The following TAF5L variants were observed in gnomAD, a reference collection of about 807,000 sequenced individuals.
TAF5L encodes the protein TAF5-like RNA polymerase II p300/CBP-associated factor-associated factor 65 kDa subunit 5L.
In TAF5L, 7 loss-of-function variants were observed where a neutral mutation model predicts 51.3. The ratio of observed to expected loss-of-function variants is 0.14; its 90% CI spans 0.08 to 0.26. TAF5L has a LOEUF of 0.26. Among genes scored for constraint, TAF5L ranks in the 10% least tolerant of loss-of-function variants. TAF5L has a pLI of 1.00. For synonymous variants in TAF5L, 291 were observed against 308.1 expected (o/e 0.94, Z 0.58); for missense variants, 575 against 758.9 (o/e 0.76, Z 2.85).
At chr1:229,610,912 C>G (rs1285650972) in intron 2 of TAF5L, among the ~76,000 whole-genome samples, 1 of 152,096 alleles carries the variant, frequency 6.6e-6, no homozygotes, top group Non-Finnish European at 1.5e-5. Context: ...CTTTTTGAAT[C>G]TTAAGTATTT....
chr1:229,608,344 T>C (rs1256903245), intron 3 of TAF5L, among the ~76,000 whole-genome samples: 1 of 152,156 alleles, frequency 6.6e-6, no homozygotes, highest in Admixed American at 6.6e-5. Context: ...TGTTTAATAG[T>C]TACAAAAACG....
At chr1:229,607,174 A>T (rs1429018288) in intron 3 of TAF5L, 1 of 985,340 alleles carries the variant, frequency 1.0e-6, no homozygotes, top group African/African-American at 1.7e-5. Flanking sequence ...AGCCTGAGCC[A>T]TCGTCACCTC....
rs1664094044 is a variant in TAF5L at position 229,595,652 on chromosome 1, G to C, written c.973-558C>G. On this transcript the variant is annotated intron_variant, in intron 4 of 4. Coordinates refer to ENST00000258281, the Ensembl canonical transcript of TAF5L. ...ATGGACACAGCGACACATGAAGGCAGATGTGGTATCACTTCAAGATTTTTT... is the reference window on the plus strand; with the variant it reads ...ATGGACACAGCGACACATGAAGGCACATGTGGTATCACTTCAAGATTTTTT... Among the ~76,000 whole-genome samples the C allele has an allele frequency of 2.0e-5, 3 of 152,134 alleles. No homozygotes were observed. In the South Asian group the frequency reaches 6.2e-4, roughly 32 times the overall value.
intron 3 of TAF5L, among the ~76,000 whole-genome samples, chr1:229,608,333 CTGTT>C (rs1457745640): frequency 2.6e-5 from 4 of 152,054 alleles, no homozygotes; most frequent in Admixed American, 6.6e-5. Flanking sequence ...AGAGAATAGT[CTGTT>C]TAATAGTTAC....
chr1:229,602,999 T>C lies in TAF5L; in HGVS notation c.248-80A>G, dbSNP rs896198670. ...TGATCCCTCCTGGGGATCACCACCATCATATAATGCTTTCTTGCCAGGACC... is the reference window on the plus strand; with the variant it reads ...TGATCCCTCCTGGGGATCACCACCACCATATAATGCTTTCTTGCCAGGACC... On this transcript the variant is annotated intron_variant, in intron 3 of 4. Coordinates refer to ENST00000258281, the Ensembl canonical transcript of TAF5L. The surrounding 1 kb of genome is among the most constrained non-coding windows in gnomAD (Gnocchi z 4.6). 6.7e-7 allele frequency: 1 copy of C among 1,481,962 alleles called. No homozygotes were observed. Among genetic ancestry groups the C allele is most frequent in the Non-Finnish European group, 8.9e-7 (1 of 1,126,080 alleles). The allele number at this position is 1,481,962 out of a possible 1,614,324, so 91.8% of individuals were successfully genotyped here. A position where few individuals can be genotyped will look rare whatever the true frequency, so the allele number is the denominator to read the frequency against.
intron 1 of TAF5L, among the ~76,000 whole-genome samples, chr1:229,619,370 A>G (rs980397638): frequency 5.9e-5 from 9 of 152,206 alleles, no homozygotes; most frequent in African/African-American, 2.2e-4. Context: ...CTTGAACTAG[A>G]AGCTGTGTTT....
intron 1 of TAF5L, among the ~76,000 whole-genome samples, chr1:229,622,128 T>G (rs1324769800): frequency 1.3e-5 from 2 of 152,186 alleles, no homozygotes; most frequent in African/African-American, 4.8e-5. Context: ...ACATACATTA[T>G]GTTTTGCATT....
At chr1:229,618,703 C>T (rs1246659565) in intron 1 of TAF5L, among the ~76,000 whole-genome samples, 1 of 152,134 alleles carries the variant, frequency 6.6e-6, no homozygotes, top group Non-Finnish European at 1.5e-5. Flanking sequence ...GTGTGGAACT[C>T]TAGTCTGGTC....
chr1:229,600,308 A>G (rs1468484923), intron 4 of TAF5L: 15 of 985,438 alleles, frequency 1.5e-5, no homozygotes, highest in Non-Finnish European at 1.8e-5. Context: ...TTTAGTTCTT[A>G]AGTTTAAAAA....
In TAF5L at chr1:229,602,868, A is replaced by C. The variant is rs766184530; in HGVS notation, c.299T>G (p.Phe100Cys). 6.2e-7 allele frequency: 1 copy of C among 1,608,628 alleles called. No homozygotes were observed. The highest frequency in any genetic ancestry group is 8.5e-7 in the Non-Finnish European group (1 of 1,179,970). ...GACCAGGTTGAGATGGAGGTAGACA[A>C]AGAGAGGATAGAGGAGAGGCATCAC... The change falls in exon 4 of 5, where the codon TTT (phenylalanine) becomes TGT (cysteine). Residue 100 changes from phenylalanine (F) to cysteine (C), a missense_variant. Transcript: ENST00000258281. The surrounding 1 kb of genome is among the most constrained non-coding windows in gnomAD (Gnocchi z 4.6).
Position 229,595,105 on chromosome 1 carries a change from T to G in TAF5L, c.973-11A>C. The G allele has an allele frequency of 6.4e-7, 1 of 1,558,208 alleles. No individual in the cohort carries two copies. Among genetic ancestry groups the G allele is most frequent in the South Asian group, 1.2e-5 (1 of 82,736 alleles). On this transcript the variant is annotated splice_polypyrimidine_tract_variant and intron_variant, in intron 4 of 4. Transcript: ENST00000258281. ...ATCATCCTCATCATCCTGGGAACAGTGGGGTGGGGTGGGAAAAGAAACACA... is the reference window on the plus strand; with the variant it reads ...ATCATCCTCATCATCCTGGGAACAGGGGGGTGGGGTGGGAAAAGAAACACA...
chr1:229,599,291 TGA>T (rs1248843455), intron 4 of TAF5L: 5 of 665,344 alleles, frequency 7.5e-6, no homozygotes, highest in Non-Finnish European at 9.3e-6. Flanking sequence ...TTTTTTAAAC[TGA>T]GATATAATTA....
chr1:229,603,928 C>G (rs1299978904), intron 3 of TAF5L, among the ~76,000 whole-genome samples: 1 of 152,254 alleles, frequency 6.6e-6, no homozygotes, highest in Non-Finnish European at 1.5e-5. Flanking sequence ...TCACAGTCAC[C>G]AGTGCTGTCC....
rs115136323 is a variant in TAF5L, at chr1:229,597,547, G to A, written c.973-2453C>T. The stretch of plus-strand genomic sequence containing the variant: ...CTGTGTGGCTCAACCAGTCCCACAC[G>A]GGCCTCAGCACGGTCGAGCAGCTGA... On this transcript the variant is annotated intron_variant, in intron 4 of 4. Coordinates refer to ENST00000258281, the Ensembl canonical transcript of TAF5L. 3.1e-3 allele frequency among the ~76,000 whole-genome samples: 466 copies of A among 152,286 alleles called. 3 individuals carry two copies. The highest frequency in any genetic ancestry group is 0.011 in the African/African-American group (437 of 41,564).
chr1:229,620,927 G>A (rs1665176054), intron 1 of TAF5L, among the ~76,000 whole-genome samples: 1 of 151,746 alleles, frequency 6.6e-6, no homozygotes, highest in African/African-American at 2.4e-5. Flanking sequence ...CAGTACATGA[G>A]GATTTGAAGA....
At chr1:229,618,369 T>G (rs1665082067) in intron 1 of TAF5L, among the ~76,000 whole-genome samples, 1 of 152,246 alleles carries the variant, frequency 6.6e-6, no homozygotes, top group Non-Finnish European at 1.5e-5. Context: ...ACTCTGCTCT[T>G]CATATCACAT....
intron 1 of TAF5L, among the ~76,000 whole-genome samples, chr1:229,624,375 G>A (rs1355595957): frequency 7.9e-5 from 12 of 152,136 alleles, no homozygotes; most frequent in African/African-American, 2.7e-4. Flanking sequence ...AAGAATTTAC[G>A]ATTCATTAAA....
At chr1:229,609,124 A>ATATGG (rs1664703064) in intron 3 of TAF5L, among the ~76,000 whole-genome samples, 1 of 152,236 alleles carries the variant, frequency 6.6e-6, no homozygotes, top group African/African-American at 2.4e-5. Flanking sequence ...AGATATATTG[A>ATATGG]TATGGTCCCC....
In TAF5L at chr1:229,613,479, C is replaced by T. The variant is rs190226017; in HGVS notation, c.142+862G>A. On this transcript the variant is annotated intron_variant, in intron 2 of 4. Coordinates refer to ENST00000258281, the Ensembl canonical transcript of TAF5L. ...TCACATTCATGGATTCAAACAACTG[C>T]AAGTCAAAAATATTTGGGGAAAAAA... is the stretch of plus-strand genomic sequence containing the variant. Among the ~76,000 whole-genome samples, 235 of 152,224 alleles carry T rather than the reference C, an allele frequency of 1.5e-3. 1 individual carries two copies. The highest frequency in any genetic ancestry group is 2.5e-3 in the Non-Finnish European group (172 of 68,006).
Sources: allele counts gnomAD v4.1 joint callset (sites outside exome capture counted in the v4.1 genomes callset), GRCh38; gene constraint gnomAD v4.1.1; non-coding constraint Gnocchi (gnomAD v3.1); transcripts MANE v1.5; gene names NCBI Gene and HGNC (gene_info 2026-07-23, HGNC 2026-07-21).